SCUBE3: variants seen among roughly 807,000 people sequenced by gnomAD.
SCUBE3 encodes signal peptide, CUB and EGF-like domain-containing protein 3.
SCUBE3 carries 33 observed loss-of-function variants against 116.8 expected under a neutral mutation model. The ratio of observed to expected loss-of-function variants is 0.28; its 90% CI spans 0.21 to 0.38. The LOEUF (loss-of-function observed/expected upper bound fraction) is 0.38. SCUBE3 is among the 10% of genes least tolerant of loss of function. The pLI is 1.00. For synonymous variants in SCUBE3, 418 were observed against 496.9 expected (o/e 0.84, Z 2.11); for missense variants, 1,007 against 1,324.8 (o/e 0.76, Z 3.72).
Position 35,245,228 on chromosome 6 carries a change from A to G in SCUBE3, c.2402A>G (p.Asn801Ser), listed in dbSNP as rs1784281818. The change falls in exon 19 of 22, where the codon AAT becomes AGT. Residue 801 changes from asparagine (N) to serine (S), a missense_variant and splice_region_variant. Coordinates refer to ENST00000274938, the MANE Select transcript of SCUBE3 (RefSeq NM_152753.4). This position sits in a 1 kb window ranked among gnomAD's most constrained non-coding sequence, Gnocchi z 4.2. The stretch of plus-strand genomic sequence containing the variant: ...TTTATCCACTGGGGTTTGGCTGCAG[A>G]TCGTCAGTGTGGTGGGGAGCTGGGT... ...DGSTSVAQCK[N>S]RQCGGELGEF... 1 of 1,614,088 alleles carries G rather than the reference A, an allele frequency of 6.2e-7. No individual in the cohort carries two copies. The highest frequency in any genetic ancestry group is 8.5e-7 in the Non-Finnish European group (1 of 1,179,996).
intron 21 of SCUBE3, 40 bp downstream of exon 21, chr6:35,246,325 A>C (rs756207599): frequency 7.0e-7 from 1 of 1,423,092 alleles, no homozygotes; most frequent in South Asian, 1.1e-5. Context: ...AACATTTAAT[A>C]AGCATGTAAC....
Position 35,239,894 on chromosome 6 carries a change from G to A in SCUBE3, c.952+20G>A. Reference sequence around the variant, plus strand: ...GCCAGGGTGAGCAGACTCAGCCAAAGGTGAAAGCCTTAGGAGAGGTTCTTG... The same window carrying A: ...GCCAGGGTGAGCAGACTCAGCCAAAAGTGAAAGCCTTAGGAGAGGTTCTTG... On this transcript the variant is annotated intron_variant, in intron 8 of 21. Coordinates refer to ENST00000274938, the MANE Select transcript of SCUBE3 (RefSeq NM_152753.4). This position sits in a 1 kb window ranked among gnomAD's most constrained non-coding sequence, Gnocchi z 4.1. 6.3e-7 allele frequency: 1 copy of A among 1,585,378 alleles called. No individual in the cohort carries two copies. Among genetic ancestry groups the A allele is most frequent in the Non-Finnish European group, 8.5e-7 (1 of 1,169,994 alleles).
In SCUBE3 at chr6:35,232,490, A is replaced by T. The variant is rs1299847630; in HGVS notation, c.470-360A>T. ...GTTTGACTGTAAGCTCTTTGAGGGGAGTGATCACACCTTGTATTTTTCTAG... is the reference window on the plus strand; with the variant it reads ...GTTTGACTGTAAGCTCTTTGAGGGGTGTGATCACACCTTGTATTTTTCTAG... On this transcript the variant is annotated intron_variant, in intron 4 of 21. Coordinates refer to ENST00000274938, the MANE Select transcript of SCUBE3 (RefSeq NM_152753.4). The surrounding 1 kb of genome is among the most constrained non-coding windows in gnomAD (Gnocchi z 4.2). Among the ~76,000 whole-genome samples the T allele has an allele frequency of 1.3e-5, 2 of 152,130 alleles. No homozygotes were observed. The highest frequency in any genetic ancestry group is 1.9e-4 in the East Asian group (1 of 5,198).
In SCUBE3 at chr6:35,233,406, A is replaced by G. The variant is rs1282160500; in HGVS notation, c.712+105A>G. On this transcript the variant is annotated intron_variant, in intron 6 of 21. Transcript: ENST00000274938. The surrounding 1 kb of genome is among the most constrained non-coding windows in gnomAD (Gnocchi z 5.7). ...AGTGCATGGGGCCCAGGTGCTGGGC[A>G]CAGAGGGACTGGTGAGGGAGTTAAG... The G allele has an allele frequency of 2.7e-6, 2 of 732,794 alleles. No homozygotes were observed. The highest frequency in any genetic ancestry group is 1.7e-5 in the African/African-American group (1 of 57,488). 45.4% of individuals were successfully genotyped at this position (732,794 alleles called of 1,614,324 possible).
chr6:35,243,467 T>C lies in SCUBE3; in HGVS notation c.1910-127T>C. ...ACCCTCCTATCCCCCCAAGTAGGAT[T>C]GTGTTTGTTCCCTGACAGAGATTCT... is the stretch of plus-strand genomic sequence containing the variant. On this transcript the variant is annotated intron_variant, in intron 15 of 21. Coordinates refer to ENST00000274938, the MANE Select transcript of SCUBE3 (RefSeq NM_152753.4). The surrounding 1 kb of genome is among the most constrained non-coding windows in gnomAD (Gnocchi z 6.6). The C allele has an allele frequency of 1.0e-6, 1 of 977,142 alleles. No individual in the cohort carries two copies. The highest frequency in any genetic ancestry group is 1.6e-5 in the South Asian group (1 of 63,102). 60.5% of individuals were successfully genotyped at this position (977,142 alleles called of 1,614,324 possible).
intron 1 of SCUBE3, chr6:35,224,286 G>A (rs1464848015): frequency 6.6e-6 from 1 of 152,156 alleles, no homozygotes; most frequent in Non-Finnish European, 1.5e-5. Flanking sequence ...GGAGGTAAGG[G>A]AGAGGGGTTA....
At chr6:35,230,863 T>C (rs1210604413) in intron 3 of SCUBE3, among the ~76,000 whole-genome samples, 3 of 152,162 alleles carry the variant, frequency 2.0e-5, no homozygotes, top group Non-Finnish European at 4.4e-5. Flanking sequence ...TGATGCCTCC[T>C]GGGCCAAGGC....
chr6:35,238,429 AATG>A (rs1330505394), intron 7 of SCUBE3, among the ~76,000 whole-genome samples: 1 of 152,156 alleles, frequency 6.6e-6, no homozygotes. Flanking sequence ...GCTCTGGGGA[AATG>A]ATGTCTACCC....
intron 3 of SCUBE3, among the ~76,000 whole-genome samples, chr6:35,229,268 TAGTC>T (rs1210691603): frequency 3.3e-5 from 5 of 152,020 alleles, no homozygotes; most frequent in Admixed American, 6.5e-5. Flanking sequence ...TAATAAAAAT[TAGTC>T]AGTCATGATG....
Position 35,239,302 on chromosome 6 carries a change from A to G in SCUBE3, c.830-450A>G, listed in dbSNP as rs1228611183. Among the ~76,000 whole-genome samples the G allele has an allele frequency of 1.3e-5, 2 of 148,490 alleles. No individual in the cohort carries two copies. Among genetic ancestry groups the G allele is most frequent in the Non-Finnish European group, 3.0e-5 (2 of 67,168 alleles). Reference sequence around the variant, plus strand: ...TTCAGTGAGTCCCTTTAGACCCTCCACCTCTCCTTGCCCCGCACCCCCCCA... The same window carrying G: ...TTCAGTGAGTCCCTTTAGACCCTCCGCCTCTCCTTGCCCCGCACCCCCCCA... On this transcript the variant is annotated intron_variant, in intron 7 of 21. Coordinates refer to ENST00000274938, the MANE Select transcript of SCUBE3 (RefSeq NM_152753.4). The surrounding 1 kb of genome is among the most constrained non-coding windows in gnomAD (Gnocchi z 4.1).
intron 1 of SCUBE3, among the ~76,000 whole-genome samples, chr6:35,225,522 T>C (rs1783290021): frequency 6.6e-6 from 1 of 152,208 alleles, no homozygotes; most frequent in Non-Finnish European, 1.5e-5. Context: ...GTAGACACCA[T>C]GCCTATGGAG....
Position 35,244,701 on chromosome 6 carries a change from G to A in SCUBE3, c.2291G>A (p.Arg764His), listed in dbSNP as rs777678114. The A allele has an allele frequency of 5.0e-6, 8 of 1,614,142 alleles. No individual in the cohort carries two copies. In the Admixed American group the frequency reaches 5.0e-5, roughly 10 times the overall value. The change falls in exon 18 of 22, where the codon CGC becomes CAC. Residue 764 changes from arginine to histidine, a missense_variant. Physicochemically the swap from Arg to His is conservative, Grantham distance 29 (BLOSUM62 0). This residue lies in a region of SCUBE3 where 544 missense variants were observed against 638.9 expected (regional missense o/e 0.85). Coordinates refer to ENST00000274938, the MANE Select transcript of SCUBE3 (RefSeq NM_152753.4). This position sits in a 1 kb window ranked among gnomAD's most constrained non-coding sequence, Gnocchi z 4.3. The part of the protein sequence containing the change: ...YYNTSIHRCI[R>H]CAMGSYQPDF... The stretch of plus-strand genomic sequence containing the variant: ...AACACCAGCATCCACCGCTGTATTC[G>A]CTGTGCCATGGGCTCCTATCAGCCC...
chr6:35,250,712 C>CTTTTTT lies in SCUBE3; in HGVS notation c.*2018_*2023dup, dbSNP rs10530852. The CTTTTTT allele has an allele frequency of 4.3e-5, 6 of 140,360 alleles. No homozygotes were observed. The highest frequency in any genetic ancestry group is 7.1e-5 in the Admixed American group (1 of 14,084). 8.7% of individuals were successfully genotyped at this position (140,360 alleles called of 1,614,324 possible). On this transcript the variant is annotated 3_prime_UTR_variant, in exon 22 of 22. Coordinates refer to ENST00000274938, the MANE Select transcript of SCUBE3 (RefSeq NM_152753.4). Reference sequence around the variant, plus strand: ...ACCAACTGAGTCCTCAGGTTCATTTCTTTTTTTTTTTTTTTTCTTTTTAAC... The same window carrying CTTTTTT: ...ACCAACTGAGTCCTCAGGTTCATTTCTTTTTTTTTTTTTTTTTTTTTTCTTTTTAAC...
chr6:35,241,180 T>A lies in SCUBE3; in HGVS notation c.1109T>A (p.Phe370Tyr), dbSNP rs1390368374. The A allele has an allele frequency of 3.1e-6, 5 of 1,605,046 alleles. No homozygotes were observed. The highest frequency in any genetic ancestry group is 3.3e-4 in the Middle Eastern group (2 of 6,040). Reference sequence around the variant, plus strand: ...AGCATCAACCGGGGAGGTTGCCGCTTTGGCTGCATCAACACTCCTGGCAGC... The same window carrying A: ...AGCATCAACCGGGGAGGTTGCCGCTATGGCTGCATCAACACTCCTGGCAGC... Reference protein sequence around the residue: ...ECSINRGGCRFGCINTPGSYQ... With the variant: ...ECSINRGGCRYGCINTPGSYQ... Residue 370 changes from phenylalanine to tyrosine, a missense_variant, in exon 10 of 22, where the codon TTT (phenylalanine) becomes TAT (tyrosine). By Grantham distance (22) the Phe-to-Tyr change is conservative. Around this residue, in one of 5 missense-constraint regions of SCUBE3, gnomAD observed 544 missense variants for 638.9 expected, o/e 0.85. Coordinates refer to ENST00000274938, the MANE Select transcript of SCUBE3 (RefSeq NM_152753.4). This position sits in a 1 kb window ranked among gnomAD's most constrained non-coding sequence, Gnocchi z 4.1.
At position 35,231,624 on chromosome 6, in the gene SCUBE3, G is replaced by T. The variant is rs991897322; in HGVS notation, c.335-101G>T. On this transcript the variant is annotated intron_variant, in intron 3 of 21. Transcript: ENST00000274938. The surrounding 1 kb of genome is among the most constrained non-coding windows in gnomAD (Gnocchi z 4.2). ...CTTCCTGGCTTAAGGCTGGGCTTAG[G>T]GGGTAGTAGTTCTTAAGACTGCCTT... The T allele has an allele frequency of 6.0e-6, 6 of 1,006,810 alleles. No individual in the cohort carries two copies. Among genetic ancestry groups the T allele is most frequent in the South Asian group, 4.6e-5 (2 of 43,338 alleles). 62.4% of individuals were successfully genotyped at this position (1,006,810 alleles called of 1,614,324 possible).
intron 1 of SCUBE3, chr6:35,220,313 A>T (rs1345201943): frequency 1.3e-5 from 2 of 152,248 alleles, no homozygotes; most frequent in Non-Finnish European, 2.9e-5. Context: ...GAGAGAGGAC[A>T]GTTTGAAGAC....
rs757992828 is a variant in SCUBE3 at position 35,243,173 on chromosome 6, G to A, written c.1846G>A (p.Gly616Arg). The A allele has an allele frequency of 2.0e-5, 33 of 1,614,068 alleles. No homozygotes were observed. Among genetic ancestry groups the A allele is most frequent in the Non-Finnish European group, 2.4e-5 (28 of 1,180,032 alleles). The part of the protein sequence containing the change: ...ELAHKPGLVA[G>R]ERAEPMESCR... ...GGCCCACAAGCCGGGCCTGGTAGCC[G>A]GGGAGCGAGCAGAGCCGATGGAGTC... is the stretch of plus-strand genomic sequence containing the variant. Residue 616 changes from glycine (G) to arginine (R), a missense_variant, in exon 15 of 22, where the codon GGG becomes AGG. By Grantham distance (125) the Gly-to-Arg change is moderately radical. Transcript: ENST00000274938. This position sits in a 1 kb window ranked among gnomAD's most constrained non-coding sequence, Gnocchi z 6.6.
In SCUBE3 at chr6:35,227,761, A is replaced by T. The variant is rs1783387132; in HGVS notation, c.208+59A>T. ...CTGTGGAAGAAGGCAAACCAGTGCC[A>T]CTGCCCTCAGTTGGCCACTCTCCAT... On this transcript the variant is annotated intron_variant, in intron 2 of 21. Transcript: ENST00000274938. 2.5e-6 allele frequency: 4 copies of T among 1,590,174 alleles called. No individual in the cohort carries two copies. In the South Asian group the frequency reaches 4.4e-5, roughly 18 times the overall value.
At position 35,249,121 on chromosome 6, in the gene SCUBE3, T is replaced by C. The variant is rs911165099; in HGVS notation, c.*416T>C. 2 of 165,694 alleles carry C rather than the reference T, an allele frequency of 1.2e-5. No homozygotes were observed. Among genetic ancestry groups the C allele is most frequent in the Non-Finnish European group, 2.6e-5 (2 of 76,294 alleles). 10.3% of individuals were successfully genotyped at this position (165,694 alleles called of 1,614,324 possible). On this transcript the variant is annotated 3_prime_UTR_variant, in exon 22 of 22. Transcript: ENST00000274938. ...AAGGGCTTCTGCCATTATAGGGTTG[T>C]GCCTTGCTAGTCAGGGGCCAAAATG...
Sources: allele counts gnomAD v4.1 joint callset (sites outside exome capture counted in the v4.1 genomes callset), GRCh38; gene constraint gnomAD v4.1.1; regional missense constraint gnomAD v4.1.1; non-coding constraint Gnocchi (gnomAD v3.1); transcripts MANE v1.5; gene names NCBI Gene and HGNC (gene_info 2026-07-23, HGNC 2026-07-21).